The following GRK5 variants were observed in gnomAD, a reference collection of about 807,000 sequenced individuals.
GRK5 encodes the protein G protein-coupled receptor kinase 5, also known as g protein-coupled receptor kinase GRK5.
Under a neutral mutation model 78.4 loss-of-function variants are expected in GRK5, and 40 were observed. The observed-to-expected ratio is 0.51, with a 90% confidence interval of 0.40 to 0.66. The LOEUF is 0.66. Ranked by LOEUF, GRK5 falls within the 30% of genes least tolerant of loss-of-function variation. GRK5 has a pLI of 0.00. For missense variants in GRK5, 598 were observed against 759.9 expected (o/e 0.79, Z 2.50); for synonymous variants, 289 against 296.8 (o/e 0.97, Z 0.27).
chr10:119,261,623 G>A (rs1431201735), intron 1 of GRK5, among the ~76,000 whole-genome samples: 1 of 152,272 alleles, frequency 6.6e-6, no homozygotes, highest in Non-Finnish European at 1.5e-5. Flanking sequence ...AGCACTGAGT[G>A]AACCAGACTC....
At chr10:119,299,794 ATG>A (rs3981127) in intron 1 of GRK5, among the ~76,000 whole-genome samples, 67,001 of 123,922 alleles carry the variant, frequency 0.54, 15,724 homozygotes, top group Non-Finnish European at 0.64. Flanking sequence ...ATTTAAGCAG[ATG>A]TGTGTGTGTG....
At chr10:119,326,460 G>T (rs1048962399) in intron 1 of GRK5, 56 bp from the exon 2 acceptor site, 1 of 1,453,552 alleles carries the variant, frequency 6.9e-7, no homozygotes. Flanking sequence ...GGCTCACTGC[G>T]GGGACGCCGC....
intron 1 of GRK5, among the ~76,000 whole-genome samples, chr10:119,221,433 G>GGAAA (rs1265639854): frequency 2.6e-4 from 39 of 152,156 alleles, no homozygotes; most frequent in Non-Finnish European, 4.9e-4. Flanking sequence ...ATGGGTGTCA[G>GGAAA]GAAAAATTGT....
chr10:119,388,501 T>G (rs1443311738), intron 3 of GRK5, among the ~76,000 whole-genome samples: 1 of 152,134 alleles, frequency 6.6e-6, no homozygotes, highest in East Asian at 1.9e-4. Flanking sequence ...TATGCCCAGC[T>G]AATTTTTGTA....
chr10:119,279,388 A>G (rs564940076), intron 1 of GRK5, among the ~76,000 whole-genome samples: 18 of 152,316 alleles, frequency 1.2e-4, no homozygotes, highest in Non-Finnish European at 2.4e-4. Context: ...CCCTGAGTGC[A>G]GTGCTTATGA....
intron 1 of GRK5, among the ~76,000 whole-genome samples, chr10:119,311,495 G>T (rs1386851735): frequency 6.6e-6 from 1 of 152,156 alleles, no homozygotes; most frequent in Non-Finnish European, 1.5e-5. Context: ...AATTAAAAAG[G>T]GCGAGTAGAG....
rs534342162 is a variant in GRK5, at chr10:119,264,657, G to A, written c.52+56688G>A. On this transcript the variant is annotated intron_variant, in intron 1 of 15. Transcript: ENST00000392870. The surrounding 1 kb of genome is among the most constrained non-coding windows in gnomAD (Gnocchi z 4.1). The stretch of plus-strand genomic sequence containing the variant: ...TTGATCGTCATGGACAGGGGTTCAC[G>A]TTCTGTGCTTCGTGAGATCTGAGTC... Among the ~76,000 whole-genome samples, 103 of 152,320 alleles carry A rather than the reference G, an allele frequency of 6.8e-4. 1 individual carries two copies. Among genetic ancestry groups the A allele is most frequent in the Middle Eastern group, 6.8e-3 (2 of 294 alleles).
intron 1 of GRK5, among the ~76,000 whole-genome samples, chr10:119,292,376 C>A (rs1169405771): frequency 6.6e-6 from 1 of 152,092 alleles, no homozygotes; most frequent in East Asian, 1.9e-4. Flanking sequence ...ACACATGGTG[C>A]CTCGGCTTCA....
At chr10:119,362,418 AT>A (rs1163682644) in intron 2 of GRK5, among the ~76,000 whole-genome samples, 4 of 152,234 alleles carry the variant, frequency 2.6e-5, no homozygotes, top group African/African-American at 7.2e-5. Flanking sequence ...AACAAATGTG[AT>A]TCCTAATGTG....
chr10:119,228,993 G>T (rs1401984902), intron 1 of GRK5, among the ~76,000 whole-genome samples: 1 of 152,092 alleles, frequency 6.6e-6, no homozygotes, highest in East Asian at 1.9e-4. Flanking sequence ...CTGCTTTGAT[G>T]GACTGTAAAT....
At chr10:119,362,623 C>T (rs1851384546) in intron 2 of GRK5, among the ~76,000 whole-genome samples, 1 of 152,214 alleles carries the variant, frequency 6.6e-6, no homozygotes, top group Admixed American at 6.5e-5. Flanking sequence ...TTCTGCATTT[C>T]AGGTCACCAC....
chr10:119,410,605 C>T (rs907684416), intron 4 of GRK5, among the ~76,000 whole-genome samples: 4 of 152,180 alleles, frequency 2.6e-5, no homozygotes, highest in East Asian at 3.9e-4. Flanking sequence ...CCCAGCCACA[C>T]GGCCCTCACT....
At chr10:119,226,545 A>G (rs1251007644) in intron 1 of GRK5, among the ~76,000 whole-genome samples, 3 of 142,078 alleles carry the variant, frequency 2.1e-5, no homozygotes, top group Admixed American at 7.1e-5. Flanking sequence ...GTGTCTCTGT[A>G]TCTTTTTTTT....
At chr10:119,309,299 G>A (rs935790511) in intron 1 of GRK5, among the ~76,000 whole-genome samples, 2 of 152,230 alleles carry the variant, frequency 1.3e-5, no homozygotes, top group African/African-American at 2.4e-5. Context: ...TAGGGCAGGG[G>A]CCACGTGCCA....
intron 13 of GRK5, among the ~76,000 whole-genome samples, chr10:119,448,762 G>C (rs1337981369): frequency 3.3e-5 from 5 of 152,190 alleles, no homozygotes; most frequent in African/African-American, 4.8e-5. Context: ...ACATTGCAGG[G>C]AGTTGCATCT....
chr10:119,402,286 T>G (rs4623810), intron 4 of GRK5, among the ~76,000 whole-genome samples: 66,977 of 151,950 alleles, frequency 0.44, 15,389 homozygotes, highest in East Asian at 0.61. Context: ...TGAGCGTGGC[T>G]TGTCTTAGGG....
chr10:119,331,375 T>C (rs1388808754), intron 2 of GRK5, among the ~76,000 whole-genome samples: 1 of 152,192 alleles, frequency 6.6e-6, no homozygotes, highest in East Asian at 1.9e-4. Context: ...GGGGCCAGGG[T>C]CTGGGCCTTC....
intron 2 of GRK5, among the ~76,000 whole-genome samples, chr10:119,329,150 A>G (rs1256787044): frequency 1.3e-5 from 2 of 152,252 alleles, no homozygotes. Flanking sequence ...ATTGAGAGCC[A>G]GATACTGAGC....
intron 1 of GRK5, among the ~76,000 whole-genome samples, chr10:119,227,783 C>T (rs568592404): frequency 2.0e-5 from 3 of 152,146 alleles, no homozygotes; most frequent in Non-Finnish European, 4.4e-5. Flanking sequence ...TAATTTAAAA[C>T]ATTGATAAAG....
Sources: gnomAD v4.1 joint callset for allele counts (sites outside exome capture counted in the v4.1 genomes callset) on GRCh38, gnomAD v4.1.1 for gene constraint, Gnocchi (gnomAD v3.1) non-coding constraint, MANE v1.5 for transcripts, NCBI Gene and HGNC (gene_info 2026-07-23, HGNC 2026-07-21) for gene names.